Variants in ADAM23 observed in about 807,000 individuals in gnomAD.
ADAM23 encodes the protein ADAM metallopeptidase domain 23, also known as disintegrin and metalloproteinase domain-containing protein 23.
A neutral mutation model predicts 120.1 loss-of-function variants in ADAM23; 33 were observed. The observed-to-expected ratio is 0.27, with a 90% CI of 0.21 to 0.37. ADAM23 has a LOEUF of 0.37. ADAM23 is among the 10% of genes least tolerant of loss of function. ADAM23 has a pLI of 1.00. For synonymous variants in ADAM23, 367 were observed against 375.2 expected (o/e 0.98, Z 0.25); for missense variants, 862 against 1,058.2 (o/e 0.81, Z 2.57).
chr2:206,581,891 T>A (rs563813583), intron 18 of ADAM23, among the ~76,000 whole-genome samples: 1 of 152,256 alleles, frequency 6.6e-6, no homozygotes, highest in East Asian at 1.9e-4. Context: ...CTTTCTTTTT[T>A]TTTGAGATGG....
In ADAM23 at chr2:206,609,944, C is replaced by T. The variant is rs765657820; in HGVS notation, c.2394C>T (p.Ile798=). The change falls in exon 25 of 26, where the codon ATC becomes ATT. Residue 798 remains isoleucine (I), a synonymous_variant. Transcript: ENST00000264377. ...CCACCAATCTCATAATAGGCTCCAT[C>T]GCTGGTGCCATCCTGGTAGCAGCTA... ...PSATNLIIGS[I]AGAILVAAIV... The T allele has an allele frequency of 1.9e-5, 31 of 1,600,562 alleles. No homozygotes were observed. The highest frequency in any genetic ancestry group is 1.7e-4 in the Middle Eastern group (1 of 6,056).
chr2:206,452,130 T>C lies in ADAM23; in HGVS notation c.432+6606T>C, dbSNP rs552172697. Among the ~76,000 whole-genome samples the C allele has an allele frequency of 2.6e-5, 4 of 152,368 alleles. No individual in the cohort carries two copies. The South Asian group carries it at 8.3e-4, about 32-fold the overall frequency. ...AACCCACCTACAGGTAAGATGTGGC[T>C]CCTCTTTAGATAGGATGACACATGC... On this transcript the variant is annotated intron_variant, in intron 2 of 25. Transcript: ENST00000264377.
At chr2:206,477,282 G>C (rs1057042693) in intron 2 of ADAM23, among the ~76,000 whole-genome samples, 2 of 152,168 alleles carry the variant, frequency 1.3e-5, no homozygotes, top group Non-Finnish European at 1.5e-5. Flanking sequence ...TTGCTAAGAC[G>C]TGTAAACTGT....
intron 2 of ADAM23, among the ~76,000 whole-genome samples, chr2:206,476,794 T>C (rs940905554): frequency 6.6e-6 from 1 of 152,170 alleles, no homozygotes; most frequent in Non-Finnish European, 1.5e-5. Context: ...TACTAAATTT[T>C]ACAATTTAGT....
intron 3 of ADAM23, among the ~76,000 whole-genome samples, chr2:206,505,024 G>T (rs34306528): frequency 1.2e-4 from 19 of 152,346 alleles, no homozygotes; most frequent in Admixed American, 1.2e-3. Context: ...TTCAGTACCA[G>T]ATTTGATTGC....
At chr2:206,608,081 A>G (rs1698762776) in intron 24 of ADAM23, 2 of 374,370 alleles carry the variant, frequency 5.3e-6, no homozygotes, top group Admixed American at 3.6e-5. Flanking sequence ...GAGGAAATAC[A>G]TGTAAGTAGA....
chr2:206,450,167 A>G (rs1016702528), intron 2 of ADAM23, among the ~76,000 whole-genome samples: 2 of 152,186 alleles, frequency 1.3e-5, no homozygotes, highest in African/African-American at 4.8e-5. Flanking sequence ...CGTTTTTACA[A>G]TTCTGGAACA....
intron 1 of ADAM23, 70 bp downstream of exon 1, chr2:206,444,150 C>A: frequency 8.6e-7 from 1 of 1,168,126 alleles, no homozygotes; most frequent in Non-Finnish European, 1.1e-6. Flanking sequence ...GAAGGGCGCG[C>A]GGGTCCGTGT....
intron 20 of ADAM23, 88 bp from the exon 21 acceptor site, chr2:206,589,321 C>T (rs1343042599): frequency 6.0e-6 from 6 of 992,168 alleles, no homozygotes; most frequent in African/African-American, 3.2e-5. Flanking sequence ...TCTGGAGAAT[C>T]GGGTGTTAAA....
chr2:206,508,498 A>G (rs1231095637), intron 3 of ADAM23, among the ~76,000 whole-genome samples: 1 of 151,924 alleles, frequency 6.6e-6, no homozygotes, highest in Non-Finnish European at 1.5e-5. Context: ...TCTACTAACA[A>G]TACAAAAATT....
chr2:206,485,777 C>T (rs1695999580), intron 3 of ADAM23, among the ~76,000 whole-genome samples: 1 of 152,122 alleles, frequency 6.6e-6, no homozygotes, highest in Non-Finnish European at 1.5e-5. Context: ...AAACAGTGGG[C>T]CACCACATAA....
chr2:206,481,097 G>C, intron 2 of ADAM23, 135 bp from the exon 3 acceptor site: 1 of 543,298 alleles, frequency 1.8e-6, no homozygotes, highest in South Asian at 4.2e-5. Flanking sequence ...CTAAAGAAAT[G>C]AATTGCTATA....
intron 3 of ADAM23, among the ~76,000 whole-genome samples, chr2:206,495,445 A>T (rs1574496805): frequency 6.6e-6 from 1 of 152,194 alleles, no homozygotes; most frequent in Non-Finnish European, 1.5e-5. Flanking sequence ...CAGACAAGCA[A>T]ATGCTGAGAG....
At chr2:206,445,170 A>T (rs1430411504) in intron 1 of ADAM23, 137 bp from the exon 2 acceptor site, 4 of 669,014 alleles carry the variant, frequency 6.0e-6, no homozygotes, top group Non-Finnish European at 1.0e-5. Context: ...CTACTTCTTA[A>T]CTGCTTATAA....
At chr2:206,592,036 G>A (rs958353545) in intron 21 of ADAM23, among the ~76,000 whole-genome samples, 2 of 152,018 alleles carry the variant, frequency 1.3e-5, no homozygotes, top group African/African-American at 4.8e-5. Flanking sequence ...AGGTCCTCAT[G>A]GTGCATGAAT....
chr2:206,529,795 ATG>A lies in ADAM23; in HGVS notation c.510-1076_510-1075del, dbSNP rs143634424. 2.8e-3 allele frequency among the ~76,000 whole-genome samples: 414 copies of A among 150,528 alleles called. 1 individual carries two copies. The highest frequency in any genetic ancestry group is 9.1e-3 in the African/African-American group (374 of 40,988). ...CAGTCTGCAAGTTAAGAATGTTTAT[ATG>A]TGTGTGTGTGTGTATATATACATTT... On this transcript the variant is annotated intron_variant, in intron 3 of 25. Transcript: ENST00000264377.
At chr2:206,594,952 G>A in intron 23 of ADAM23, 47 bp downstream of exon 23, 14 of 1,600,674 alleles carry the variant, frequency 8.7e-6, no homozygotes, top group Non-Finnish European at 1.2e-5. Context: ...GGTCTGGCAT[G>A]GTCACAGTGA....
At chr2:206,518,599 A>G (rs1696780670) in intron 3 of ADAM23, among the ~76,000 whole-genome samples, 2 of 152,160 alleles carry the variant, frequency 1.3e-5, no homozygotes, top group Non-Finnish European at 2.9e-5. Context: ...AGACCACTTA[A>G]ATAGTTTGGT....
chr2:206,477,082 T>A (rs143178261), intron 2 of ADAM23, among the ~76,000 whole-genome samples: 5 of 152,272 alleles, frequency 3.3e-5, no homozygotes, highest in African/African-American at 1.2e-4. Flanking sequence ...GAAAACACAA[T>A]AGTATCTATT....
Sources: allele counts gnomAD v4.1 joint callset (sites outside exome capture counted in the v4.1 genomes callset), GRCh38; gene constraint gnomAD v4.1.1; transcripts MANE v1.5; gene names NCBI Gene and HGNC (gene_info 2026-07-23, HGNC 2026-07-21).